RHPN2: variants seen among roughly 807,000 people sequenced by gnomAD.
RHPN2 encodes the protein rhophilin Rho GTPase binding protein 2.
RHPN2 carries 40 observed loss-of-function variants against 79.0 expected under a neutral mutation model. The ratio of observed to expected loss-of-function variants is 0.51; its 90% confidence interval spans 0.39 to 0.66. The LOEUF is 0.66. RHPN2 is among the 30% of genes least tolerant of loss of function. The pLI is 0.00. For synonymous variants in RHPN2, 285 were observed against 363.5 expected (o/e 0.78, Z 2.46); for missense variants, 686 against 883.5 (o/e 0.78, Z 2.83).
intron 6 of RHPN2, among the ~76,000 whole-genome samples, chr19:33,011,305 C>G (rs1004831529): frequency 2.0e-5 from 3 of 152,132 alleles, no homozygotes; most frequent in African/African-American, 7.2e-5. Context: ...GATTTTCTCT[C>G]TCTCTCTCAC....
At chr19:32,984,969 A>G (rs1971603289) in intron 14 of RHPN2, among the ~76,000 whole-genome samples, 2 of 151,588 alleles carry the variant, frequency 1.3e-5, no homozygotes, top group South Asian at 4.2e-4. Flanking sequence ...AGCTGGGTAT[A>G]GTGGTGCACG....
intron 2 of RHPN2, among the ~76,000 whole-genome samples, chr19:33,040,092 G>A (rs1972088363): frequency 1.3e-5 from 2 of 152,014 alleles, no homozygotes; most frequent in Admixed American, 1.3e-4. Context: ...GTAAACCTCG[G>A]AGCAGGTCAC....
At chr19:33,048,725 CAAAAAA>C (rs58396784) in intron 1 of RHPN2, among the ~76,000 whole-genome samples, 40 of 62,674 alleles carry the variant, frequency 6.4e-4, no homozygotes, top group African/African-American at 2.8e-3. Context: ...GACTCAGTCT[CAAAAAA>C]AAAAAAAAAA....
At chr19:33,032,941 G>T (rs1287135384) in intron 2 of RHPN2, among the ~76,000 whole-genome samples, 1 of 152,014 alleles carries the variant, frequency 6.6e-6, no homozygotes, top group Non-Finnish European at 1.5e-5. Context: ...CTTACCTCCA[G>T]CTAAATCTCT....
At position 33,036,131 on chromosome 19, in the gene RHPN2, T is replaced by TA. The variant is rs1187013292; in HGVS notation, c.185+8117dup. Among the ~76,000 whole-genome samples, 803 of 146,096 alleles carry TA rather than the reference T, an allele frequency of 5.5e-3. 5 individuals are homozygous for TA. The highest frequency in any genetic ancestry group is 0.018 in the African/African-American group (708 of 39,806). On this transcript the variant is annotated intron_variant, in intron 2 of 14. Coordinates refer to ENST00000254260, the MANE Select transcript of RHPN2 (RefSeq NM_033103.5). The stretch of plus-strand genomic sequence containing the variant: ...GACTCCATCTCAAAAAAAAAAAAAT[T>TA]AAAAAAAAAGATAATAATATCGATT...
At chr19:33,036,878 G>GCC (rs1032865010) in intron 2 of RHPN2, among the ~76,000 whole-genome samples, 2 of 148,662 alleles carry the variant, frequency 1.3e-5, no homozygotes, top group African/African-American at 5.2e-5. Context: ...GAGCCCCCCC[G>GCC]CCACCCTCTG....
intron 14 of RHPN2, among the ~76,000 whole-genome samples, chr19:32,983,094 A>ACACACACACC (rs1164579516): frequency 7.5e-6 from 1 of 132,644 alleles, no homozygotes; most frequent in Admixed American, 7.8e-5. Context: ...ACACACACAC[A>ACACACACACC]CTCCTGCAAT....
At chr19:32,983,806 T>C (rs1278593120) in intron 14 of RHPN2, among the ~76,000 whole-genome samples, 2 of 151,980 alleles carry the variant, frequency 1.3e-5, no homozygotes, top group Non-Finnish European at 2.9e-5. Context: ...TTTGTATTTT[T>C]AGTAGAGACA....
intron 1 of RHPN2, among the ~76,000 whole-genome samples, chr19:33,051,939 C>T (rs911359922): frequency 4.1e-5 from 6 of 147,962 alleles, no homozygotes; most frequent in East Asian, 2.0e-4. Flanking sequence ...TGCAGTGAGC[C>T]GAGAACTTGC....
intron 1 of RHPN2, among the ~76,000 whole-genome samples, chr19:33,061,939 A>G (rs974098524): frequency 9.2e-5 from 14 of 152,094 alleles, no homozygotes; most frequent in Non-Finnish European, 1.5e-4. Flanking sequence ...AACTACTGGG[A>G]TTACAGGTAT....
intron 1 of RHPN2, among the ~76,000 whole-genome samples, chr19:33,048,451 C>G (rs1972159592): frequency 6.6e-6 from 1 of 151,034 alleles, no homozygotes; most frequent in Admixed American, 6.6e-5. Context: ...TTTGGCCGGG[C>G]ATAGTAGTTC....
intron 4 of RHPN2, among the ~76,000 whole-genome samples, chr19:33,016,661 A>G (rs1173322895): frequency 6.6e-6 from 1 of 152,192 alleles, no homozygotes; most frequent in East Asian, 1.9e-4. Flanking sequence ...AGCCTGGGCA[A>G]CAGAGTGAGA....
intron 2 of RHPN2, among the ~76,000 whole-genome samples, chr19:33,035,960 C>CA (rs1972052455): frequency 6.6e-6 from 1 of 151,600 alleles, no homozygotes; most frequent in South Asian, 2.1e-4. Flanking sequence ...ACTAAAAATA[C>CA]AAAAAAATTA....
rs181625187 is a variant in RHPN2, at chr19:33,060,810, G to A, written c.69+3974C>T. Among the ~76,000 whole-genome samples the A allele has an allele frequency of 1.4e-3, 208 of 152,180 alleles. 2 individuals are homozygous for A. The highest frequency in any genetic ancestry group is 2.9e-4 in the Non-Finnish European group (20 of 68,016). On this transcript the variant is annotated intron_variant, in intron 1 of 14. Coordinates refer to ENST00000254260, the MANE Select transcript of RHPN2 (RefSeq NM_033103.5). ...GCCTCCCAAAATGCTGAGATTACAG[G>A]TGTGAGGCACTGCACCCCACTCACA... is the stretch of plus-strand genomic sequence containing the variant.
chr19:33,005,623 A>AAAG (rs71176180), intron 7 of RHPN2, among the ~76,000 whole-genome samples: 25,063 of 142,932 alleles, frequency 0.18, 2,523 homozygotes, highest in South Asian at 0.26. Flanking sequence ...AAAAAAAAAA[A>AAAG]AAGCCCTGCC....
chr19:33,030,396 C>G (rs1425268380), intron 2 of RHPN2, among the ~76,000 whole-genome samples: 1 of 152,104 alleles, frequency 6.6e-6, no homozygotes, highest in Non-Finnish European at 1.5e-5. Context: ...AATTCGAGAT[C>G]AGTCTGGGCC....
intron 6 of RHPN2, 73 bp from the exon 7 acceptor site, chr19:33,008,253 T>TC (rs1971809735): frequency 2.9e-6 from 4 of 1,374,350 alleles, no homozygotes; most frequent in Non-Finnish European, 4.0e-6. Context: ...AAAAATTCTT[T>TC]TTTTTTTTTT....
intron 14 of RHPN2, among the ~76,000 whole-genome samples, chr19:32,981,193 T>C (rs2145996196): frequency 6.6e-6 from 1 of 152,054 alleles, no homozygotes; most frequent in African/African-American, 2.4e-5. Flanking sequence ...CAACTCATAT[T>C]TTAAGGTTCT....
intron 9 of RHPN2, among the ~76,000 whole-genome samples, chr19:33,001,383 A>AT (rs998413282): frequency 6.6e-6 from 1 of 151,852 alleles, no homozygotes; most frequent in South Asian, 2.1e-4. Flanking sequence ...TAAAAAAAAA[A>AT]TTTTTTTTAA....
Sources: gnomAD v4.1 joint callset for allele counts (sites outside exome capture counted in the v4.1 genomes callset) on GRCh38, gnomAD v4.1.1 for gene constraint, MANE v1.5 for transcripts, NCBI Gene and HGNC (gene_info 2026-07-23, HGNC 2026-07-21) for gene names.